Variants in ASIC2 observed in about 807,000 individuals in gnomAD.
ASIC2 encodes the protein acid-sensing ion channel 2.
Under a neutral mutation model 57.3 loss-of-function variants are expected in ASIC2, and 25 were observed. The ratio of observed to expected loss-of-function variants is 0.44; its 90% CI spans 0.32 to 0.61. The LOEUF (loss-of-function observed/expected upper bound fraction) is 0.61, where lower values mean the gene tolerates loss of function less well. Among genes scored for constraint, ASIC2 ranks in the 20% least tolerant of loss-of-function variants. ASIC2 has a pLI of 0.06. For missense variants in ASIC2, 641 were observed against 738.1 expected (o/e 0.87, Z 1.52); for synonymous variants, 319 against 307.5 (o/e 1.04, Z -0.39).
intron 1 of ASIC2, among the ~76,000 whole-genome samples, chr17:33,681,647 C>T (rs2073847307): frequency 1.3e-5 from 2 of 152,360 alleles, no homozygotes; most frequent in South Asian, 4.1e-4. Context: ...CAGCTTTGGG[C>T]TGTTACTCAC....
intron 1 of ASIC2, among the ~76,000 whole-genome samples, chr17:33,845,973 G>T (rs562002835): frequency 3.6e-4 from 55 of 152,192 alleles, no homozygotes; most frequent in Admixed American, 1.7e-3. Flanking sequence ...TATGACTTTC[G>T]TATTGGCGAG....
chr17:33,682,720 A>T (rs1173949291), intron 1 of ASIC2, among the ~76,000 whole-genome samples: 1 of 152,112 alleles, frequency 6.6e-6, no homozygotes, highest in African/African-American at 2.4e-5. Context: ...CTTGCTTGGG[A>T]TATTAAAAAA....
At chr17:33,993,979 C>T (rs965157776) in intron 1 of ASIC2, among the ~76,000 whole-genome samples, 8 of 152,114 alleles carry the variant, frequency 5.3e-5, no homozygotes, top group African/African-American at 1.9e-4. Flanking sequence ...ATTAGGGAAC[C>T]CCAAAGAGTA....
rs560214287 is a variant in ASIC2, at chr17:33,987,540, T to G, written c.555+168438A>C. Among the ~76,000 whole-genome samples the G allele has an allele frequency of 1.2e-4, 19 of 152,314 alleles. No individual in the cohort carries two copies. In the South Asian group the frequency reaches 3.9e-3, roughly 32 times the overall value. ...CATTTGAAATCTGGGGAACCTGAGA[T>G]GCAGAGGAGATGATGACTTGCTGAA... On this transcript the variant is annotated intron_variant, in intron 1 of 9. Transcript: ENST00000359872.
At chr17:34,100,189 T>TG (rs1910811945) in intron 1 of ASIC2, among the ~76,000 whole-genome samples, 2 of 151,086 alleles carry the variant, frequency 1.3e-5, no homozygotes, top group Non-Finnish European at 3.0e-5. Flanking sequence ...TTCTTGTTTT[T>TG]TTTTTTTTTT....
At chr17:33,391,641 A>G (rs1487799640) in intron 1 of ASIC2, among the ~76,000 whole-genome samples, 1 of 151,970 alleles carries the variant, frequency 6.6e-6, no homozygotes, top group African/African-American at 2.4e-5. Context: ...TTCCCCCAAT[A>G]TCTAAGTGCC....
At chr17:34,110,371 T>A (rs565950534) in intron 1 of ASIC2, among the ~76,000 whole-genome samples, 1 of 152,298 alleles carries the variant, frequency 6.6e-6, no homozygotes, top group East Asian at 1.9e-4. Context: ...CTGGGAAGGC[T>A]GCCTTCTGTG....
intron 1 of ASIC2, among the ~76,000 whole-genome samples, chr17:33,754,666 G>A (rs1323814295): frequency 6.6e-6 from 1 of 152,142 alleles, no homozygotes; most frequent in Non-Finnish European, 1.5e-5. Flanking sequence ...TTAAAGAACA[G>A]TTCCCTATAG....
intron 1 of ASIC2, chr17:33,689,068 G>C (rs1402091182): frequency 6.6e-6 from 1 of 152,224 alleles, no homozygotes; most frequent in Non-Finnish European, 1.5e-5. Context: ...GATGAAGAGA[G>C]TGATCTCAGA....
At chr17:34,106,105 C>T (rs1911041494) in intron 1 of ASIC2, among the ~76,000 whole-genome samples, 1 of 151,968 alleles carries the variant, frequency 6.6e-6, no homozygotes, top group Admixed American at 6.6e-5. Flanking sequence ...TTGAAAAATA[C>T]AGCCCTACTA....
At chr17:33,393,871 A>C (rs1170948671) in intron 1 of ASIC2, among the ~76,000 whole-genome samples, 1 of 152,190 alleles carries the variant, frequency 6.6e-6, no homozygotes, top group Non-Finnish European at 1.5e-5. Context: ...CAAGCATGGA[A>C]TGAAGGGTCT....
At chr17:33,448,088 AAAATAAAAT>A (rs1033428799) in intron 1 of ASIC2, among the ~76,000 whole-genome samples, 1 of 149,282 alleles carries the variant, frequency 6.7e-6, no homozygotes, top group Non-Finnish European at 1.5e-5. Flanking sequence ...AAAATAAAAT[AAAATAAAAT>A]AAAACTAGAA....
At chr17:33,526,355 A>G (rs1201829786) in intron 1 of ASIC2, among the ~76,000 whole-genome samples, 2 of 152,034 alleles carry the variant, frequency 1.3e-5, no homozygotes, top group Admixed American at 1.3e-4. Flanking sequence ...GTTAATTCTT[A>G]CTAGTCATGT....
At chr17:33,366,360 C>T (rs1908809273) in intron 1 of ASIC2, among the ~76,000 whole-genome samples, 1 of 152,200 alleles carries the variant, frequency 6.6e-6, no homozygotes, top group South Asian at 2.1e-4. Flanking sequence ...TCCTCTTATA[C>T]TCTCTTCCTC....
chr17:33,312,083 T>A (rs1906449909), intron 1 of ASIC2, among the ~76,000 whole-genome samples: 1 of 152,224 alleles, frequency 6.6e-6, no homozygotes, highest in South Asian at 2.1e-4. Context: ...TTATTGCATA[T>A]GTGACCTTGG....
chr17:33,237,714 TGGCAGGGTTGA>T (rs1036157582), intron 1 of ASIC2, among the ~76,000 whole-genome samples: 34 of 152,358 alleles, frequency 2.2e-4, no homozygotes, highest in African/African-American at 8.2e-4. Context: ...TGTATCTATG[TGGCAGGGTTGA>T]GGCAGGATTA....
intron 1 of ASIC2, among the ~76,000 whole-genome samples, chr17:33,314,615 A>G (rs1290010639): frequency 1.3e-5 from 2 of 152,186 alleles, no homozygotes; most frequent in African/African-American, 4.8e-5. Context: ...GGATTTTCAC[A>G]TTGAGTTTTC....
chr17:34,025,856 G>A (rs1461010487), intron 1 of ASIC2, among the ~76,000 whole-genome samples: 1 of 152,146 alleles, frequency 6.6e-6, no homozygotes, highest in East Asian at 1.9e-4. Context: ...ATATTCAAAA[G>A]GGCTTCTGAG....
intron 1 of ASIC2, among the ~76,000 whole-genome samples, chr17:33,942,272 T>C (rs1487828200): frequency 6.6e-6 from 1 of 152,154 alleles, no homozygotes; most frequent in Non-Finnish European, 1.5e-5. Flanking sequence ...GCAGCATCAC[T>C]ATTCACCTCC....
Sources: allele counts gnomAD v4.1 joint callset (sites outside exome capture counted in the v4.1 genomes callset), GRCh38; gene constraint gnomAD v4.1.1; transcripts MANE v1.5; gene names NCBI Gene and HGNC (gene_info 2026-07-23, HGNC 2026-07-21).